ID4: variants seen among roughly 807,000 people sequenced by gnomAD.
ID4 encodes the protein inhibitor of DNA binding 4.
In ID4, 9 loss-of-function variants were observed where a neutral mutation model predicts 8.6. The ratio of observed to expected loss-of-function variants is 1.04; its 90% CI spans 0.63 to 1.82. The LOEUF (loss-of-function observed/expected upper bound fraction) is 1.82, where lower values mean the gene tolerates loss of function less well. ID4 is among the 40% of genes most tolerant of loss of function. The pLI is 0.00. For synonymous variants in ID4, 180 were observed against 118.0 expected, an observed-to-expected ratio of 1.53 and a Z score of -3.41; for missense variants, 270 against 235.1, an observed-to-expected ratio of 1.15 and a Z score of -0.97.
rs537169414 is a variant in ID4, at chr6:19,837,874, C to CGCGGCG, written c.135_140dup (p.Ala47_Ala48dup). The CGCGGCG allele has an allele frequency of 9.2e-4, 1,175 of 1,277,152 alleles. 1 individual carries two copies. The highest frequency in any genetic ancestry group is 1.1e-3 in the Non-Finnish European group (1,087 of 1,012,092). The allele number at this position is 1,277,152 out of a possible 1,614,324, so 79.1% of individuals were successfully genotyped here. A position where few individuals can be genotyped will look rare whatever the true frequency, so the allele number is the denominator to read the frequency against. On this transcript the variant is annotated inframe_insertion, in exon 1 of 3. Coordinates refer to ENST00000378700, the MANE Select transcript of ID4 (RefSeq NM_001546.4). The stretch of plus-strand genomic sequence containing the variant: ...GCCACAGCCTGGGTGGCTCCGCAGC[C>CGCGGCG]GCGGCGGCGGCGGCGGCGGCAGCGC...
chr6:19,838,787 C>A lies in ID4; in HGVS notation c.*14+145C>A, dbSNP rs909101478. 1.1e-5 allele frequency: 7 copies of A among 657,848 alleles called. No individual in the cohort carries two copies. The African/African-American group carries it at 1.1e-4, about 10-fold the overall frequency. 40.8% of individuals were successfully genotyped at this position (657,848 alleles called of 1,614,324 possible). ...GGAAGTAAATCCCCTCTCTCCCTGCCACCTAAGTAGCAAGTAAACCCGTAC... is the reference window on the plus strand; with the variant it reads ...GGAAGTAAATCCCCTCTCTCCCTGCAACCTAAGTAGCAAGTAAACCCGTAC... On this transcript the variant is annotated intron_variant, in intron 2 of 2. Transcript: ENST00000378700.
Position 19,840,721 on chromosome 6 carries a change from CTT to C in ID4, c.*1527_*1528del, listed in dbSNP as rs139901282. On this transcript the variant is annotated 3_prime_UTR_variant, in exon 3 of 3. Coordinates refer to ENST00000378700, the MANE Select transcript of ID4 (RefSeq NM_001546.4). ...GGTCTCATTTCTTTAAAACCTTACT[CTT>C]ATTTTTCTTTTAAGGCTCTTTTTTC... 0.27 allele frequency: 40,963 copies of C among 151,986 alleles called. 6,119 individuals carry two copies. The highest frequency in any genetic ancestry group is 0.39 in the African/African-American group (16,132 of 41,416). 9.4% of individuals were successfully genotyped at this position (151,986 alleles called of 1,614,324 possible). A position where few individuals can be genotyped will look rare whatever the true frequency, so the allele number is the denominator to read the frequency against.
Position 19,837,933 on chromosome 6 carries a change from C to A in ID4, c.179C>A (p.Pro60Gln). The change falls in exon 1 of 3, where the codon CCG becomes CAG. Residue 60 changes from proline to glutamine, a missense_variant. This residue lies in a region of ID4 where 160 missense variants were observed against 131.5 expected (regional missense o/e 1.22). Coordinates refer to ENST00000378700, the MANE Select transcript of ID4 (RefSeq NM_001546.4). ...CKAAEAAADEPALCLQCDMND... is the reference protein window; with the variant it reads ...CKAAEAAADEQALCLQCDMND... ...GCGGCCGAGGCGGCGGCCGACGAGCCGGCGCTGTGCCTGCAGTGCGATATG... is the reference window on the plus strand; with the variant it reads ...GCGGCCGAGGCGGCGGCCGACGAGCAGGCGCTGTGCCTGCAGTGCGATATG... The A allele has an allele frequency of 6.8e-7, 1 of 1,477,616 alleles. No individual in the cohort carries two copies. Among genetic ancestry groups the A allele is most frequent in the Non-Finnish European group, 9.0e-7 (1 of 1,109,600 alleles). The allele number at this position is 1,477,616 out of a possible 1,614,324, so 91.5% of individuals were successfully genotyped here.
chr6:19,838,552 A>T, intron 1 of ID4, 32 bp from the exon 2 acceptor site: 1 of 1,613,812 alleles, frequency 6.2e-7, no homozygotes, highest in Middle Eastern at 1.7e-4. Flanking sequence ...GCGCCTGCTA[A>T]CCTTTCCCTT....
rs983486112 is a variant in ID4 at position 19,841,932 on chromosome 6, A to C, written c.*2737A>C. Among the ~76,000 whole-genome samples, 1 of 152,238 alleles carries C rather than the reference A, an allele frequency of 6.6e-6. No homozygotes were observed. Among genetic ancestry groups the C allele is most frequent in the African/African-American group, 2.4e-5 (1 of 41,462 alleles). ...CAACCAAAGAGTCAGACTGGTTTAAAACTCCAGAAGGAAAAAAAGTATCCC... is the reference window on the plus strand; with the variant it reads ...CAACCAAAGAGTCAGACTGGTTTAACACTCCAGAAGGAAAAAAAGTATCCC... On this transcript the variant is annotated 3_prime_UTR_variant, in exon 3 of 3. Coordinates refer to ENST00000378700, the MANE Select transcript of ID4 (RefSeq NM_001546.4).
At chr6:19,838,562 T>C in intron 1 of ID4, 22 bp from the exon 2 acceptor site, 1 of 1,613,822 alleles carries the variant, frequency 6.2e-7, no homozygotes, top group Non-Finnish European at 8.5e-7. Flanking sequence ...ACCTTTCCCT[T>C]GGTGTTCGGT....
chr6:19,838,879 GT>G (rs1424301113), intron 2 of ID4: 1 of 554,796 alleles, frequency 1.8e-6, no homozygotes, highest in African/African-American at 1.9e-5. Flanking sequence ...CCGTCCCCGT[GT>G]TTTTTCTGGT....
At position 19,837,955 on chromosome 6, in the gene ID4, T is replaced by C; in HGVS notation, c.201T>C (p.Asp67=). ...AGCCGGCGCTGTGCCTGCAGTGCGA[T>C]ATGAACGACTGCTATAGCCGCCTGC... The part of the protein sequence containing the change: ...ADEPALCLQC[D]MNDCYSRLRR... The change falls in exon 1 of 3, where the codon GAT becomes GAC. Residue 67 remains aspartate, a synonymous_variant. Transcript: ENST00000378700. 6.4e-7 allele frequency: 1 copy of C among 1,555,346 alleles called. No individual in the cohort carries two copies. Among genetic ancestry groups the C allele is most frequent in the Non-Finnish European group, 8.7e-7 (1 of 1,151,470 alleles).
Position 19,837,801 on chromosome 6 carries a change from C to T in ID4, c.47C>T (p.Ser16Leu), listed in dbSNP as rs1410107564. ...CGCCCCTCGGGCCGCAAGGCGCCGT[C>T]GGGCTGCGGCGGCGGGGAGCTGGCG... ...PVRPSGRKAP[S>L]GCGGGELALR... is the part of the protein sequence containing the mutation. The change falls in exon 1 of 3, where the codon TCG becomes TTG. Residue 16 changes from serine (S) to leucine (L), a missense_variant. Transcript: ENST00000378700. The T allele has an allele frequency of 1.8e-5, 20 of 1,129,940 alleles. No homozygotes were observed. The Admixed American group carries it at 8.5e-4, about 48-fold the overall frequency. The allele number at this position is 1,129,940 out of a possible 1,614,324, so 70.0% of individuals were successfully genotyped here. A position where few individuals can be genotyped will look rare whatever the true frequency, so the allele number is the denominator to read the frequency against.
rs1161390391 is a variant in ID4 at position 19,841,441 on chromosome 6, T to C, written c.*2246T>C. 2.0e-5 allele frequency among the ~76,000 whole-genome samples: 3 copies of C among 152,340 alleles called. No individual in the cohort carries two copies. The highest frequency in any genetic ancestry group is 4.8e-5 in the African/African-American group (2 of 41,580). On this transcript the variant is annotated 3_prime_UTR_variant, in exon 3 of 3. Transcript: ENST00000378700. ...GTCACATGTGCACTGTTGGTTAGAA[T>C]TATGCATCTGTCATGCCTGACTGCT...
intron 1 of ID4, among the ~76,000 whole-genome samples, 161 bp downstream of exon 1, chr6:19,838,356 C>G (rs1055371821): frequency 6.6e-6 from 1 of 152,046 alleles, no homozygotes. Context: ...CGCCAGCAGC[C>G]GGCCGGGCTC....
In ID4 at chr6:19,841,335, T is replaced by C. The variant is rs1561855310; in HGVS notation, c.*2140T>C. Reference sequence around the variant, plus strand: ...CTGCTGGAATTCCAAATCTGAAGAATTCTAACGACTGCATTCTTTGTTATT... The same window carrying C: ...CTGCTGGAATTCCAAATCTGAAGAACTCTAACGACTGCATTCTTTGTTATT... On this transcript the variant is annotated 3_prime_UTR_variant, in exon 3 of 3. Coordinates refer to ENST00000378700, the MANE Select transcript of ID4 (RefSeq NM_001546.4). Among the ~76,000 whole-genome samples the C allele has an allele frequency of 6.6e-6, 1 of 152,204 alleles. No individual in the cohort carries two copies. Among genetic ancestry groups the C allele is most frequent in the Non-Finnish European group, 1.5e-5 (1 of 68,008 alleles).
rs1355612530 is a variant in ID4 at position 19,837,770 on chromosome 6, C to T, written c.16C>T (p.Pro6Ser). The T allele has an allele frequency of 4.4e-6, 5 of 1,126,504 alleles. No homozygotes were observed. The highest frequency in any genetic ancestry group is 4.6e-5 in the East Asian group (1 of 21,578). 69.8% of individuals were successfully genotyped at this position (1,126,504 alleles called of 1,614,324 possible). ...GGCGCGCGCGATGAAGGCGGTGAGC[C>T]CGGTGCGCCCCTCGGGCCGCAAGGC... MKAVS[P>S]VRPSGRKAPS... Residue 6 changes from proline (P) to serine (S), a missense_variant, in exon 1 of 3, where the codon CCG becomes TCG. Around this residue, in one of 3 missense-constraint regions of ID4, gnomAD observed 160 missense variants for 131.5 expected, o/e 1.22. Coordinates refer to ENST00000378700, the MANE Select transcript of ID4 (RefSeq NM_001546.4).
intron 2 of ID4, 152 bp downstream of exon 2, chr6:19,838,794 G>T (rs989559801): frequency 7.8e-6 from 5 of 641,964 alleles, no homozygotes; most frequent in Non-Finnish European, 1.4e-5. Context: ...TGCCACCTAA[G>T]TAGCAAGTAA....
chr6:19,838,500 G>T (rs1761280065), intron 1 of ID4, 84 bp from the exon 2 acceptor site: 2 of 1,580,670 alleles, frequency 1.3e-6, no homozygotes, highest in East Asian at 4.5e-5. Context: ...GCGCCAGCCT[G>T]ATTTCCGAGG....
chr6:19,838,569 C>G lies in ID4; in HGVS notation c.442-15C>G, dbSNP rs372252236. 12 of 1,613,976 alleles carry G rather than the reference C, an allele frequency of 7.4e-6. No homozygotes were observed. Among genetic ancestry groups the G allele is most frequent in the South Asian group, 1.1e-5 (1 of 91,070 alleles). ...GCCTGCTAACCTTTCCCTTGGTGTT[C>G]GGTTGCTGTTCCAGGCCGGCGCGGT... On this transcript the variant is annotated splice_polypyrimidine_tract_variant and intron_variant, in intron 1 of 2. Coordinates refer to ENST00000378700, the MANE Select transcript of ID4 (RefSeq NM_001546.4).
chr6:19,840,965 C>T lies in ID4; in HGVS notation c.*1770C>T, dbSNP rs1019405575. 3.3e-5 allele frequency among the ~76,000 whole-genome samples: 5 copies of T among 152,024 alleles called. No homozygotes were observed. The highest frequency in any genetic ancestry group is 9.7e-5 in the African/African-American group (4 of 41,394). ...AGGAAAGGATTTGTTTCAGATTATACAAGAATAAAAGTATTATAGACCCAA... is the reference window on the plus strand; with the variant it reads ...AGGAAAGGATTTGTTTCAGATTATATAAGAATAAAAGTATTATAGACCCAA... On this transcript the variant is annotated 3_prime_UTR_variant, in exon 3 of 3. Transcript: ENST00000378700.
chr6:19,837,812 G>A lies in ID4; in HGVS notation c.58G>A (p.Gly20Ser). The change falls in exon 1 of 3, where the codon GGC becomes AGC. Residue 20 changes from glycine to serine, a missense_variant. Around this residue, in one of 3 missense-constraint regions of ID4, gnomAD observed 160 missense variants for 131.5 expected, o/e 1.22. Coordinates refer to ENST00000378700, the MANE Select transcript of ID4 (RefSeq NM_001546.4). ...SGRKAPSGCG[G>S]GELALRCLAE... ...CCGCAAGGCGCCGTCGGGCTGCGGCGGCGGGGAGCTGGCGCTGCGCTGCCT... is the reference window on the plus strand; with the variant it reads ...CCGCAAGGCGCCGTCGGGCTGCGGCAGCGGGGAGCTGGCGCTGCGCTGCCT... 1 of 1,136,878 alleles carries A rather than the reference G, an allele frequency of 8.8e-7. No homozygotes were observed. The highest frequency in any genetic ancestry group is 1.1e-6 in the Non-Finnish European group (1 of 928,024). 70.4% of individuals were successfully genotyped at this position (1,136,878 alleles called of 1,614,324 possible). A position where few individuals can be genotyped will look rare whatever the true frequency, so the allele number is the denominator to read the frequency against.
chr6:19,839,184 C>T (rs41271299), intron 2 of ID4, 26 bp from the exon 3 acceptor site: 4,800 of 156,850 alleles, frequency 0.031, 111 homozygotes, highest in Non-Finnish European at 0.051. Context: ...GTTCACACAC[C>T]CCCTCTATTC....
Sources: allele counts gnomAD v4.1 joint callset (sites outside exome capture counted in the v4.1 genomes callset), GRCh38; gene constraint gnomAD v4.1.1; regional missense constraint gnomAD v4.1.1; transcripts MANE v1.5; gene names NCBI Gene and HGNC (gene_info 2026-07-23, HGNC 2026-07-21).